The following NACC2 variants were observed in gnomAD, a reference collection of about 807,000 sequenced individuals.
NACC2 encodes NACC family member 2.
In NACC2, 8 loss-of-function variants were observed where a neutral mutation model predicts 25.1. The observed-to-expected ratio is 0.32, with a 90% CI of 0.19 to 0.57. The LOEUF (loss-of-function observed/expected upper bound fraction) is 0.57, where lower values mean the gene tolerates loss of function less well. Among genes scored for constraint, NACC2 ranks in the 20% least tolerant of loss-of-function variants. The probability of loss-of-function intolerance (pLI) is 0.89; values close to 1 mark genes in which losing one functional copy is unlikely to be tolerated. For synonymous variants in NACC2, 435 were observed against 294.7 expected (o/e 1.48, Z -4.88); for missense variants, 644 against 650.2 (o/e 0.99, Z 0.10).
intron 2 of NACC2, among the ~76,000 whole-genome samples, chr9:136,034,276 C>G (rs1840519864): frequency 6.6e-6 from 1 of 152,060 alleles, no homozygotes; most frequent in African/African-American, 2.4e-5. Context: ...TCACAGCACA[C>G]ACAAAAATCC....
intron 1 of NACC2, among the ~76,000 whole-genome samples, chr9:136,072,622 C>A (rs570466984): frequency 2.6e-5 from 4 of 152,006 alleles, no homozygotes; most frequent in African/African-American, 9.7e-5. Flanking sequence ...GATGCCGAGG[C>A]GGGCGGATCA....
At chr9:136,014,541 G>A (rs774331806) in intron 3 of NACC2, among the ~76,000 whole-genome samples, 12 of 152,218 alleles carry the variant, frequency 7.9e-5, no homozygotes, top group Admixed American at 5.2e-4. Context: ...TTCCCACTTC[G>A]GCCTCCCAAA....
At chr9:136,051,916 T>TGGAGGA (rs1169257163) in intron 1 of NACC2, among the ~76,000 whole-genome samples, 5 of 141,810 alleles carry the variant, frequency 3.5e-5, no homozygotes, top group East Asian at 2.2e-4. Flanking sequence ...GAGGAGATGG[T>TGGAGGA]GGAGGAGGAG....
chr9:136,058,324 C>T (rs902775090), intron 1 of NACC2, among the ~76,000 whole-genome samples: 2 of 152,268 alleles, frequency 1.3e-5, no homozygotes, highest in African/African-American at 2.4e-5. Flanking sequence ...CCATCCTGCC[C>T]GGTCCCCACG....
In NACC2 at chr9:136,007,519, A is replaced by G. The variant is rs1279920937; in HGVS notation, c.*3997T>C. ...CACACACATGCACAGACGCGCACACACAGACGCACAGACGTGCACACACAG... is the reference window on the plus strand; with the variant it reads ...CACACACATGCACAGACGCGCACACGCAGACGCACAGACGTGCACACACAG... On this transcript the variant is annotated 3_prime_UTR_variant, in exon 6 of 6. Coordinates refer to ENST00000277554, the MANE Select transcript of NACC2 (RefSeq NM_144653.5). 1.5e-5 allele frequency: 1 copy of G among 66,996 alleles called. No homozygotes were observed. Among genetic ancestry groups the G allele is most frequent in the African/African-American group, 3.7e-5 (1 of 26,936 alleles). 4.2% of individuals were successfully genotyped at this position (66,996 alleles called of 1,614,324 possible).
Position 136,013,154 on chromosome 9 carries a change from A to ACCCCGCC in NACC2, c.1255+44_1255+45insGGCGGGG. The ACCCCGCC allele has an allele frequency of 9.2e-7, 1 of 1,092,094 alleles. No individual in the cohort carries two copies. Among genetic ancestry groups the ACCCCGCC allele is most frequent in the Non-Finnish European group, 1.4e-6 (1 of 719,702 alleles). The allele number at this position is 1,092,094 out of a possible 1,614,324, so 67.7% of individuals were successfully genotyped here. Reference sequence around the variant, plus strand: ...CAGTCCTCCTCAGGCTGGGATCTGAACCCAGCCCCGGCCCCACCCACCCGA... The same window carrying ACCCCGCC: ...CAGTCCTCCTCAGGCTGGGATCTGAACCCCGCCCCCAGCCCCGGCCCCACCCACCCGA... On this transcript the variant is annotated intron_variant, in intron 5 of 5. Transcript: ENST00000277554. This position sits in a 1 kb window ranked among gnomAD's most constrained non-coding sequence, Gnocchi z 6.6.
intron 2 of NACC2, among the ~76,000 whole-genome samples, chr9:136,021,489 A>G (rs1265574012): frequency 6.6e-6 from 1 of 152,210 alleles, no homozygotes; most frequent in Non-Finnish European, 1.5e-5. Flanking sequence ...GGCAGCTGGG[A>G]CGTCCTGACC....
intron 1 of NACC2, among the ~76,000 whole-genome samples, chr9:136,082,987 C>G (rs952318502): frequency 6.6e-6 from 1 of 152,248 alleles, no homozygotes; most frequent in African/African-American, 2.4e-5. Flanking sequence ...CCGTGTTTTA[C>G]GGCTGTCATA....
chr9:136,045,925 C>T (rs1438078591), intron 2 of NACC2, among the ~76,000 whole-genome samples: 2 of 152,278 alleles, frequency 1.3e-5, no homozygotes, highest in East Asian at 1.9e-4. Flanking sequence ...GCTGCCCACC[C>T]GGCCGGCTGC....
At position 136,014,047 on chromosome 9, in the gene NACC2, G is replaced by C. The variant is rs540580613; in HGVS notation, c.1052-78C>G. On this transcript the variant is annotated intron_variant, in intron 3 of 5. Coordinates refer to ENST00000277554, the MANE Select transcript of NACC2 (RefSeq NM_144653.5). ...CGAAGAGGCGCACAGATGGGTGAGG[G>C]GGAGGGGGGGAGGTGGAGGGGGAGG... 101 of 720,226 alleles carry C rather than the reference G, an allele frequency of 1.4e-4. 3 individuals are homozygous for C. The Middle Eastern group carries it at 3.5e-3, about 25-fold the overall frequency. The allele number at this position is 720,226 out of a possible 1,614,324, so 44.6% of individuals were successfully genotyped here.
At chr9:136,043,546 C>A (rs1043534422) in intron 2 of NACC2, among the ~76,000 whole-genome samples, 1 of 152,208 alleles carries the variant, frequency 6.6e-6, no homozygotes, top group Non-Finnish European at 1.5e-5. Flanking sequence ...TGGCCTCATG[C>A]GTTCAACCAC....
intron 1 of NACC2, among the ~76,000 whole-genome samples, chr9:136,069,145 A>G (rs112468788): frequency 0.51 from 74,977 of 147,580 alleles, 19,674 homozygotes; most frequent in Middle Eastern, 0.65. Flanking sequence ...TGACCTTGTG[A>G]TCTGCCCGCC....
At chr9:136,093,498 G>A (rs1830454284) in intron 1 of NACC2, among the ~76,000 whole-genome samples, 1 of 152,204 alleles carries the variant, frequency 6.6e-6, no homozygotes, top group South Asian at 2.1e-4. Context: ...CTTCCCGCCA[G>A]GCCAGGGCCA....
chr9:136,006,919 C>T lies in NACC2; in HGVS notation c.*4597G>A, dbSNP rs1588551829. The T allele has an allele frequency of 6.6e-6, 1 of 152,548 alleles. No homozygotes were observed. Among genetic ancestry groups the T allele is most frequent in the African/African-American group, 2.4e-5 (1 of 41,428 alleles). The allele number at this position is 152,548 out of a possible 1,614,324, so 9.4% of individuals were successfully genotyped here. On this transcript the variant is annotated 3_prime_UTR_variant, in exon 6 of 6. Coordinates refer to ENST00000277554, the MANE Select transcript of NACC2 (RefSeq NM_144653.5). ...ACAGGAAAATTTATTTTTTAACAGT[C>T]GTGAGTTACAGTACTTTAACCCCTA...
chr9:136,020,761 G>A lies in NACC2; in HGVS notation c.887-4332C>T, dbSNP rs73551126. Among the ~76,000 whole-genome samples, 6,860 of 152,188 alleles carry A rather than the reference G, an allele frequency of 0.045. 338 individuals are homozygous for A. Among genetic ancestry groups the A allele is most frequent in the African/African-American group, 0.12 (4,914 of 41,494 alleles). On this transcript the variant is annotated intron_variant, in intron 2 of 5. Coordinates refer to ENST00000277554, the MANE Select transcript of NACC2 (RefSeq NM_144653.5). This position sits in a 1 kb window ranked among gnomAD's most constrained non-coding sequence, Gnocchi z 4.7. ...CAGGGAAGTGGACAGACAGGTCAAT[G>A]GCACAGAATAGGAGACCCACAGACA...
chr9:136,071,473 G>A (rs1054540170), intron 1 of NACC2, among the ~76,000 whole-genome samples: 1 of 150,744 alleles, frequency 6.6e-6, no homozygotes, highest in Admixed American at 6.6e-5. Flanking sequence ...AACCTGGGAG[G>A]TGGAGGTTGT....
intron 2 of NACC2, among the ~76,000 whole-genome samples, chr9:136,044,587 G>T (rs1840691572): frequency 6.6e-6 from 1 of 152,160 alleles, no homozygotes. Context: ...TGGTGGGGGG[G>T]CTCTAACAGT....
In NACC2 at chr9:136,059,765, C is replaced by CT. The variant is rs531605131; in HGVS notation, c.-59-9186dup. ...GCTGGCTACATGGGGACTGTTGGGC[C>CT]TGTGTGTGTATCCGTGTGGCCCATG... On this transcript the variant is annotated intron_variant, in intron 1 of 5. Transcript: ENST00000277554. Among the ~76,000 whole-genome samples the CT allele has an allele frequency of 3.3e-4, 51 of 152,336 alleles. 1 individual carries two copies. In the South Asian group the frequency reaches 9.9e-3, roughly 30 times the overall value.
rs1163275314 is a variant in NACC2 at position 136,009,654 on chromosome 9, G to A, written c.*1862C>T. 6.6e-6 allele frequency: 1 copy of A among 152,326 alleles called. No homozygotes were observed. Among genetic ancestry groups the A allele is most frequent in the Non-Finnish European group, 1.5e-5 (1 of 68,102 alleles). 9.4% of individuals were successfully genotyped at this position (152,326 alleles called of 1,614,324 possible). ...GAGGTCTCCTAGGGCCTCGCCACAG[G>A]GGTGGGCTTCGGGGCAGAAAGGAGC... is the stretch of plus-strand genomic sequence containing the variant. On this transcript the variant is annotated 3_prime_UTR_variant, in exon 6 of 6. Coordinates refer to ENST00000277554, the MANE Select transcript of NACC2 (RefSeq NM_144653.5).
Sources: allele counts gnomAD v4.1 joint callset (sites outside exome capture counted in the v4.1 genomes callset), GRCh38; gene constraint gnomAD v4.1.1; non-coding constraint Gnocchi (gnomAD v3.1); transcripts MANE v1.5; gene names NCBI Gene and HGNC (gene_info 2026-07-23, HGNC 2026-07-21).